The following RBBP8 variants were observed in gnomAD, a reference collection of about 807,000 sequenced individuals.
RBBP8 encodes RB binding protein 8, endonuclease.
RBBP8 carries 88 observed loss-of-function variants against 108.3 expected under a neutral mutation model. That is an observed-to-expected ratio of 0.81 (90% CI 0.68 to 0.97). RBBP8 has a LOEUF of 0.97. Ranked by LOEUF, RBBP8 falls within the 50% of genes least tolerant of loss-of-function variation. The probability of loss-of-function intolerance (pLI) is 0.00; values close to 1 mark genes in which losing one functional copy is unlikely to be tolerated. For synonymous variants in RBBP8, 332 were observed against 348.2 expected, an observed-to-expected ratio of 0.95 and a Z score of 0.52; for missense variants, 1,023 against 1,049.0, an observed-to-expected ratio of 0.98 and a Z score of 0.34.
chr18:22,936,076 A>G (rs534291213), intron 1 of RBBP8, among the ~76,000 whole-genome samples: 206 of 152,180 alleles, frequency 1.4e-3, no homozygotes, highest in Non-Finnish European at 2.3e-3. Flanking sequence ...TGGGCTCAGT[A>G]TGTTTCACCA....
At chr18:22,970,195 G>A (rs1308311351) in intron 5 of RBBP8, among the ~76,000 whole-genome samples, 2 of 152,074 alleles carry the variant, frequency 1.3e-5, no homozygotes, top group Non-Finnish European at 2.9e-5. Context: ...TTGCTTTTTG[G>A]AACTTTGTAG....
intron 4 of RBBP8, among the ~76,000 whole-genome samples, chr18:22,955,967 A>G (rs185641479): frequency 1.3e-5 from 2 of 152,328 alleles, no homozygotes; most frequent in African/African-American, 4.8e-5. Context: ...TATTAATGTT[A>G]TATAAATTAA....
chr18:22,961,221 A>G (rs1366344580), intron 4 of RBBP8, among the ~76,000 whole-genome samples: 1 of 152,262 alleles, frequency 6.6e-6, no homozygotes, highest in Non-Finnish European at 1.5e-5. Context: ...CAGCATCAAT[A>G]TCAGATGCCT....
chr18:23,005,411 G>C (rs780840494), intron 15 of RBBP8, among the ~76,000 whole-genome samples: 2 of 151,908 alleles, frequency 1.3e-5, no homozygotes, highest in African/African-American at 4.8e-5. Flanking sequence ...ATACTTATGT[G>C]TAAATTTTTT....
chr18:23,000,914 A>G (rs370736018), intron 14 of RBBP8, among the ~76,000 whole-genome samples: 10 of 152,194 alleles, frequency 6.6e-5, no homozygotes, highest in South Asian at 2.1e-4. Flanking sequence ...ACACTTCATT[A>G]CATACGTTAC....
Position 23,026,363 on chromosome 18 carries a change from T to C in RBBP8, c.*123T>C. 1.1e-6 allele frequency: 1 copy of C among 905,650 alleles called. No homozygotes were observed. Among genetic ancestry groups the C allele is most frequent in the South Asian group, 1.5e-5 (1 of 66,284 alleles). 56.1% of individuals were successfully genotyped at this position (905,650 alleles called of 1,614,324 possible). On this transcript the variant is annotated 3_prime_UTR_variant, in exon 19 of 19. Transcript: ENST00000327155. ...TAAATGGATTTATAAATCAGTTTTC[T>C]ATTGAAAATGTTTGTGATATTTTGC...
intron 16 of RBBP8, among the ~76,000 whole-genome samples, chr18:23,015,736 C>T (rs1006448136): frequency 2.0e-5 from 3 of 151,964 alleles, no homozygotes; most frequent in Non-Finnish European, 4.4e-5. Context: ...AATGAAGGTG[C>T]GTGGCTCCTA....
intron 18 of RBBP8, among the ~76,000 whole-genome samples, chr18:23,025,632 A>C (rs570992968): frequency 6.6e-6 from 1 of 152,382 alleles, no homozygotes; most frequent in South Asian, 2.1e-4. Flanking sequence ...AGGGATTGTC[A>C]TCTATTGAAA....
intron 18 of RBBP8, 92 bp from the exon 19 acceptor site, chr18:23,026,051 A>C (rs2046445580): frequency 1.0e-6 from 1 of 996,448 alleles, no homozygotes; most frequent in Non-Finnish European, 1.6e-6. Flanking sequence ...TAAACTTACA[A>C]AGCATCAAAT....
chr18:22,919,686 G>T (rs1909509559), intron 3 of RBBP8, among the ~76,000 whole-genome samples: 1 of 151,972 alleles, frequency 6.6e-6, no homozygotes, highest in African/African-American at 2.4e-5. Flanking sequence ...GGAGTAGCTG[G>T]GATTACAGGG....
rs1022676075 is a variant in RBBP8, at chr18:23,021,747, C to T, written c.2455-382C>T. Among the ~76,000 whole-genome samples, 5 of 150,750 alleles carry T rather than the reference C, an allele frequency of 3.3e-5. No homozygotes were observed. In the East Asian group the frequency reaches 9.7e-4, roughly 29 times the overall value. ...AGACCTCTGAATTTTTTTTACTGGC[C>T]TAATAAGGATAAAGACTTTGTACCA... On this transcript the variant is annotated intron_variant, in intron 17 of 18. Transcript: ENST00000327155.
intron 8 of RBBP8, among the ~76,000 whole-genome samples, chr18:22,985,543 G>A (rs1915263011): frequency 1.3e-5 from 2 of 152,126 alleles, no homozygotes; most frequent in African/African-American, 4.8e-5. Context: ...TTTGTTTGAG[G>A]AACATTAAGG....
chr18:23,020,684 C>T (rs149283525), intron 17 of RBBP8, among the ~76,000 whole-genome samples: 1 of 152,120 alleles, frequency 6.6e-6, no homozygotes, highest in East Asian at 1.9e-4. Context: ...GAAAAAGAAT[C>T]TAAAGTCCTT....
chr18:22,959,945 A>G (rs1912938885), intron 4 of RBBP8, among the ~76,000 whole-genome samples: 1 of 139,538 alleles, frequency 7.2e-6, no homozygotes, highest in Admixed American at 8.1e-5. Flanking sequence ...ACGCTGGAGT[A>G]CAGTGGTGCA....
intron 4 of RBBP8, among the ~76,000 whole-genome samples, chr18:22,960,395 A>G (rs909640833): frequency 1.3e-5 from 2 of 152,114 alleles, no homozygotes; most frequent in Non-Finnish European, 2.9e-5. Context: ...TAAAAGTACA[A>G]AATTACCCAG....
intron 4 of RBBP8, among the ~76,000 whole-genome samples, chr18:22,964,686 C>A (rs1295340510): frequency 6.6e-6 from 1 of 151,182 alleles, no homozygotes; most frequent in African/African-American, 2.4e-5. Flanking sequence ...GTGACAGGAT[C>A]TGACTATGTT....
chr18:22,933,304 G>A (rs1010606297), upstream of RBBP8: 4 of 152,376 alleles, frequency 2.6e-5, no homozygotes, highest in African/African-American at 9.6e-5. Context: ...CTGGAGGAAG[G>A]GGCGTGACGC....
chr18:22,965,831 T>C (rs1410542234), intron 4 of RBBP8, among the ~76,000 whole-genome samples: 1 of 152,238 alleles, frequency 6.6e-6, no homozygotes, highest in Non-Finnish European at 1.5e-5. Flanking sequence ...AGGTCAGTAC[T>C]GTCTAATAGC....
intron 1 of RBBP8, chr18:22,934,263 G>A (rs1330346056): frequency 6.6e-6 from 1 of 152,312 alleles, no homozygotes. Context: ...CCGGGCATGC[G>A]GGTAGGTGGA....
Sources: gnomAD v4.1 joint callset for allele counts (sites outside exome capture counted in the v4.1 genomes callset) on GRCh38, gnomAD v4.1.1 for gene constraint, MANE v1.5 for transcripts, NCBI Gene and HGNC (gene_info 2026-07-23, HGNC 2026-07-21) for gene names.